Variants in MBIP observed in about 807,000 individuals in gnomAD.
MBIP encodes the protein MAP3K12 binding inhibitory protein 1.
In MBIP, 32 loss-of-function variants were observed where a neutral mutation model predicts 45.7. The ratio of observed to expected loss-of-function variants is 0.70; its 90% confidence interval spans 0.53 to 0.94. MBIP has a LOEUF of 0.94. Ranked by LOEUF, MBIP falls within the 40% of genes least tolerant of loss-of-function variation. The probability of loss-of-function intolerance (pLI) is 0.00; values close to 1 mark genes in which losing one functional copy is unlikely to be tolerated. For synonymous variants in MBIP, 145 were observed against 141.0 expected (o/e 1.03, Z -0.20); for missense variants, 381 against 405.5 (o/e 0.94, Z 0.52).
chr14:36,320,331 C>T (rs1880817288), intron 1 of MBIP, 129 bp downstream of exon 1: 1 of 1,351,752 alleles, frequency 7.4e-7, no homozygotes, highest in Non-Finnish European at 1.0e-6. Flanking sequence ...GCTCCTTCCA[C>T]ACCTCGGCTT....
At position 36,312,249 on chromosome 14, in the gene MBIP, T is replaced by C. The variant is rs189768354; in HGVS notation, c.572-225A>G. ...TATTCTTACCTAATGTTCAGATTTA[T>C]ATACAGAAAAGCCATCAACATTAAG... On this transcript the variant is annotated intron_variant, in intron 4 of 8. Transcript: ENST00000416007. Among the ~76,000 whole-genome samples, 210 of 152,222 alleles carry C rather than the reference T, an allele frequency of 1.4e-3. 3 individuals carry two copies. The highest frequency in any genetic ancestry group is 6.0e-4 in the Non-Finnish European group (41 of 67,990).
At chr14:36,318,909 A>G (rs543847812) in intron 1 of MBIP, among the ~76,000 whole-genome samples, 8 of 152,096 alleles carry the variant, frequency 5.3e-5, no homozygotes, top group Non-Finnish European at 1.0e-4. Context: ...CTCAAAATAT[A>G]GAGTATTATG....
rs1879498138 is a variant in MBIP at position 36,300,791 on chromosome 14, T to C, written c.921A>G (p.Pro307=). The C allele has an allele frequency of 6.4e-7, 1 of 1,556,968 alleles. No individual in the cohort carries two copies. ...SFSGKRRKVQ[P]PQQNYSLAEL... is the part of the protein sequence containing the mutation. ...TGAAAATGCAGTAACTTACTTGAGG[T>C]GGTTGAACTTTTCTTCTTTTTCCAG... The change falls in exon 8 of 9, where the codon CCA becomes CCG. Residue 307 remains proline, a synonymous_variant. Coordinates refer to ENST00000416007, the MANE Select transcript of MBIP (RefSeq NM_016586.3).
chr14:36,302,685 T>C (rs192329468), intron 7 of MBIP, among the ~76,000 whole-genome samples: 3 of 152,122 alleles, frequency 2.0e-5, no homozygotes, highest in Admixed American at 6.5e-5. Flanking sequence ...ATGTGGCCTT[T>C]TGGACTTGTT....
chr14:36,311,583 C>CGT lies in MBIP; in HGVS notation c.779_780insAC (p.Leu261ArgfsTer37). On this transcript the variant is annotated frameshift_variant, in exon 6 of 9. Transcript: ENST00000416007. LOFTEE classifies it high-confidence loss of function. ...TAGCACTTTGCTTACCTGTCTGTAA[C>CGT]CGCAAGTGGGCCTCAATATTTTGTA... 6.2e-7 allele frequency: 1 copy of CGT among 1,610,914 alleles called. No individual in the cohort carries two copies. The highest frequency in any genetic ancestry group is 8.5e-7 in the Non-Finnish European group (1 of 1,178,352).
At chr14:36,310,143 T>C (rs1880116616) in intron 6 of MBIP, among the ~76,000 whole-genome samples, 1 of 152,194 alleles carries the variant, frequency 6.6e-6, no homozygotes, top group African/African-American at 2.4e-5. Flanking sequence ...GTCAATCCTT[T>C]TATACAGTGG....
At chr14:36,306,421 A>AT (rs1407295774) in intron 7 of MBIP, among the ~76,000 whole-genome samples, 4 of 151,394 alleles carry the variant, frequency 2.6e-5, no homozygotes, top group South Asian at 2.1e-4. Flanking sequence ...TGCCCAGCTT[A>AT]TTTTTTTTAT....
intron 7 of MBIP, among the ~76,000 whole-genome samples, chr14:36,303,036 T>C (rs994365148): frequency 1.3e-5 from 2 of 152,234 alleles, no homozygotes; most frequent in African/African-American, 4.8e-5. Flanking sequence ...TGTACTGTGC[T>C]GCCAAGGGAC....
intron 7 of MBIP, among the ~76,000 whole-genome samples, chr14:36,306,629 A>G (rs1288127450): frequency 6.6e-6 from 1 of 152,138 alleles, no homozygotes; most frequent in Non-Finnish European, 1.5e-5. Context: ...TGCTGCAGCA[A>G]GTTCTCATTG....
chr14:36,320,619 A>G lies in MBIP; in HGVS notation c.-31T>C. On this transcript the variant is annotated 5_prime_UTR_variant, in exon 1 of 9. Coordinates refer to ENST00000416007, the MANE Select transcript of MBIP (RefSeq NM_016586.3). ...CTTCTCAGGCCGCCCCACCACCACC[A>G]CCACCAAGATTTGCTCACAACCCCG... 1 of 1,576,008 alleles carries G rather than the reference A, an allele frequency of 6.3e-7. No homozygotes were observed. The highest frequency in any genetic ancestry group is 8.6e-7 in the Non-Finnish European group (1 of 1,160,430).
At chr14:36,302,491 T>TAA (rs377221159) in intron 7 of MBIP, among the ~76,000 whole-genome samples, 16 of 100,560 alleles carry the variant, frequency 1.6e-4, no homozygotes, top group African/African-American at 3.1e-4. Context: ...GACACCATCT[T>TAA]AAAAAAAAAA....
At position 36,309,224 on chromosome 14, in the gene MBIP, C is replaced by T. The variant is rs559482398; in HGVS notation, c.791-1035G>A. Among the ~76,000 whole-genome samples, 95 of 152,250 alleles carry T rather than the reference C, an allele frequency of 6.2e-4. 1 individual carries two copies. Among genetic ancestry groups the T allele is most frequent in the Admixed American group, 3.1e-3 (47 of 15,294 alleles). On this transcript the variant is annotated intron_variant, in intron 6 of 8. Coordinates refer to ENST00000416007, the MANE Select transcript of MBIP (RefSeq NM_016586.3). Reference sequence around the variant, plus strand: ...TCTCTGACTATTCTGTTAAAAATACCAGTACTACCACTCCCCTACCCAGCA... The same window carrying T: ...TCTCTGACTATTCTGTTAAAAATACTAGTACTACCACTCCCCTACCCAGCA...
At chr14:36,316,576 C>T (rs1036849578) in intron 2 of MBIP, 117 bp downstream of exon 2, 6 of 916,694 alleles carry the variant, frequency 6.5e-6, no homozygotes, top group South Asian at 3.7e-5. Flanking sequence ...ATGTAAATAA[C>T]GTTTTATTAG....
Position 36,298,841 on chromosome 14 carries a change from C to A in MBIP, c.*242G>T. 3.1e-6 allele frequency: 1 copy of A among 324,892 alleles called. No homozygotes were observed. The highest frequency in any genetic ancestry group is 5.6e-6 in the Non-Finnish European group (1 of 178,276). 20.1% of individuals were successfully genotyped at this position (324,892 alleles called of 1,614,324 possible). ...CTTGTAAATTAAGTTTTTCAATTTC[C>A]AAAATACCTCCTTTAAAACAGAAGG... On this transcript the variant is annotated 3_prime_UTR_variant, in exon 9 of 9. Coordinates refer to ENST00000416007, the MANE Select transcript of MBIP (RefSeq NM_016586.3).
At chr14:36,302,752 G>A (rs1005665976) in intron 7 of MBIP, among the ~76,000 whole-genome samples, 51 of 152,108 alleles carry the variant, frequency 3.4e-4, no homozygotes, top group African/African-American at 1.1e-3. Context: ...CATATCTACC[G>A]TGGATACACT....
At chr14:36,310,355 G>T (rs1880128028) in intron 6 of MBIP, among the ~76,000 whole-genome samples, 1 of 152,002 alleles carries the variant, frequency 6.6e-6, no homozygotes, top group Non-Finnish European at 1.5e-5. Context: ...TTTGCAAATG[G>T]TGTTTCTTCT....
intron 5 of MBIP, 68 bp from the exon 6 acceptor site, chr14:36,311,793 C>T: frequency 7.3e-7 from 1 of 1,369,454 alleles, no homozygotes. Context: ...TATTCCTTAA[C>T]AGCACTTTAT....
intron 7 of MBIP, among the ~76,000 whole-genome samples, chr14:36,302,495 A>T (rs978352735): frequency 3.6e-4 from 2 of 5,626 alleles, no homozygotes; most frequent in Non-Finnish European, 1.1e-3. Context: ...CCATCTTAAA[A>T]AAAAAAAAAA....
intron 7 of MBIP, among the ~76,000 whole-genome samples, chr14:36,303,894 C>T (rs770382250): frequency 3.3e-5 from 5 of 152,140 alleles, no homozygotes; most frequent in Non-Finnish European, 5.9e-5. Context: ...TGGATAATGA[C>T]ATGTTTCCTA....
Sources: allele counts gnomAD v4.1 joint callset (sites outside exome capture counted in the v4.1 genomes callset), GRCh38; gene constraint gnomAD v4.1.1; transcripts MANE v1.5; gene names NCBI Gene and HGNC (gene_info 2026-07-23, HGNC 2026-07-21).